BCKDHB: variants seen among roughly 807,000 people sequenced by gnomAD.
The protein encoded by BCKDHB is branched chain keto acid dehydrogenase E1 subunit beta, also known as 2-oxoisovalerate dehydrogenase subunit beta, mitochondrial.
BCKDHB carries 41 observed loss-of-function variants against 48.5 expected under a neutral mutation model. That is an observed-to-expected ratio of 0.85 (90% CI 0.66 to 1.10). BCKDHB has a LOEUF of 1.10. BCKDHB is among the 50% of genes least tolerant of loss of function. The probability of loss-of-function intolerance (pLI) is 0.00; values close to 1 mark genes in which losing one functional copy is unlikely to be tolerated. For synonymous variants in BCKDHB, 201 were observed against 174.8 expected (o/e 1.15, Z -1.18); for missense variants, 496 against 494.2 (o/e 1.00, Z -0.03).
the BCKDHB span, among the ~76,000 whole-genome samples, chr6:80,374,827 A>G: frequency 1.3e-5 from 2 of 152,138 alleles, no homozygotes; most frequent in African/African-American, 2.4e-5. Flanking sequence ...TTTTAGCAGT[A>G]CTTGTAGTAC....
chr6:80,433,616 A>C, the BCKDHB span, among the ~76,000 whole-genome samples: 1 of 152,112 alleles, frequency 6.6e-6, no homozygotes, highest in Non-Finnish European at 1.5e-5. Flanking sequence ...GGTGGGACCC[A>C]TTGAACCAGA....
intron 9 of BCKDHB, among the ~76,000 whole-genome samples, chr6:80,288,443 G>A (rs975901267): frequency 6.6e-6 from 1 of 151,854 alleles, no homozygotes; most frequent in African/African-American, 2.4e-5. Context: ...TCAACCTTAG[G>A]GTCTACGTTT....
chr6:80,188,971 A>G (rs762583804), intron 6 of BCKDHB, among the ~76,000 whole-genome samples: 70 of 152,126 alleles, frequency 4.6e-4, no homozygotes, highest in Admixed American at 1.3e-3. Flanking sequence ...CTTACAGATT[A>G]TTTAGAATTA....
At chr6:80,124,221 C>T (rs1408447095) in intron 1 of BCKDHB, among the ~76,000 whole-genome samples, 1 of 152,148 alleles carries the variant, frequency 6.6e-6, no homozygotes, top group Non-Finnish European at 1.5e-5. Context: ...GTTTCTTAAT[C>T]CTGAGTTCTA....
the BCKDHB span, among the ~76,000 whole-genome samples, chr6:80,431,288 T>C: frequency 6.6e-6 from 1 of 152,236 alleles, no homozygotes; most frequent in African/African-American, 2.4e-5. Context: ...GAGAAGAATG[T>C]ATATTCTGTT....
At position 80,223,123 on chromosome 6, in the gene BCKDHB, T is replaced by C. The variant is rs574525581; in HGVS notation, c.951+19911T>C. Among the ~76,000 whole-genome samples the C allele has an allele frequency of 6.6e-5, 10 of 152,320 alleles. No individual in the cohort carries two copies. The South Asian group carries it at 2.1e-3, about 32-fold the overall frequency. On this transcript the variant is annotated intron_variant, in intron 8 of 9. Coordinates refer to ENST00000320393, the MANE Select transcript of BCKDHB (RefSeq NM_183050.4). ...AAAAATCACAGCCATTCATATTCAT[T>C]TAATATAGAAACAAGGTAAACATCT... is the stretch of plus-strand genomic sequence containing the variant.
At chr6:80,312,792 GA>G (rs1243430756) in intron 9 of BCKDHB, among the ~76,000 whole-genome samples, 1 of 152,148 alleles carries the variant, frequency 6.6e-6, no homozygotes, top group African/African-American at 2.4e-5. Context: ...GCTTGATTAT[GA>G]TCGATAAGCT....
chr6:80,226,733 T>C (rs1466134735), intron 8 of BCKDHB, among the ~76,000 whole-genome samples: 3 of 152,238 alleles, frequency 2.0e-5, no homozygotes, highest in African/African-American at 7.2e-5. Context: ...CAGGTTTTTT[T>C]CTGCAGCAGG....
chr6:80,212,770 T>C (rs182654481), intron 8 of BCKDHB, among the ~76,000 whole-genome samples: 15 of 152,290 alleles, frequency 9.8e-5, no homozygotes, highest in Admixed American at 9.2e-4. Flanking sequence ...TCCATTCGGG[T>C]TCCCTGACTT....
intron 9 of BCKDHB, among the ~76,000 whole-genome samples, chr6:80,274,442 T>G (rs1777885670): frequency 6.6e-6 from 1 of 151,992 alleles, no homozygotes; most frequent in Non-Finnish European, 1.5e-5. Context: ...TTATTGTGTA[T>G]TTTATACATT....
intron 9 of BCKDHB, among the ~76,000 whole-genome samples, chr6:80,308,920 T>C (rs1768017929): frequency 1.3e-5 from 2 of 152,084 alleles, no homozygotes; most frequent in South Asian, 4.1e-4. Context: ...TTCACATGTA[T>C]ATACCTACCA....
At position 80,343,459 on chromosome 6, in the gene BCKDHB, A is replaced by G. The variant is rs1770024186; in HGVS notation, c.1039-205A>G. On this transcript the variant is annotated intron_variant, in intron 9 of 9. Coordinates refer to ENST00000320393, the MANE Select transcript of BCKDHB (RefSeq NM_183050.4). ...AGATATATATACAGGTATAAAATGC[A>G]TATGCATACATGAAAACACATAATA... 6 of 606,852 alleles carry G rather than the reference A, an allele frequency of 9.9e-6. No individual in the cohort carries two copies. The South Asian group carries it at 1.0e-4, about 10-fold the overall frequency. The allele number at this position is 606,852 out of a possible 1,614,324, so 37.6% of individuals were successfully genotyped here.
chr6:80,127,833 C>G (rs975285565), intron 2 of BCKDHB, among the ~76,000 whole-genome samples: 1 of 152,178 alleles, frequency 6.6e-6, no homozygotes, highest in Non-Finnish European at 1.5e-5. Flanking sequence ...TCAGCTTTCT[C>G]TTACAGTGTG....
chr6:80,374,723 T>C, the BCKDHB span, among the ~76,000 whole-genome samples: 4,847 of 152,232 alleles, frequency 0.032, 277 homozygotes, highest in African/African-American at 0.11. Flanking sequence ...GGTTTTTTCA[T>C]TGTGTTATTG....
chr6:80,216,995 C>T (rs1775202227), intron 8 of BCKDHB, among the ~76,000 whole-genome samples: 1 of 152,106 alleles, frequency 6.6e-6, no homozygotes, highest in Non-Finnish European at 1.5e-5. Context: ...TCCTGTAATC[C>T]TAGCACTGAG....
chr6:80,365,181 G>A, the BCKDHB span, among the ~76,000 whole-genome samples: 1 of 152,128 alleles, frequency 6.6e-6, no homozygotes, highest in Non-Finnish European at 1.5e-5. Flanking sequence ...AGATCACAAG[G>A]CAAAGGGCAA....
intron 3 of BCKDHB, among the ~76,000 whole-genome samples, chr6:80,140,315 C>T (rs1453715406): frequency 6.6e-6 from 1 of 152,176 alleles, no homozygotes; most frequent in Non-Finnish European, 1.5e-5. Flanking sequence ...TGCCTAATTG[C>T]CCTGGCCAGA....
the BCKDHB span, among the ~76,000 whole-genome samples, chr6:80,433,139 T>C: frequency 2.0e-5 from 3 of 151,928 alleles, no homozygotes; most frequent in Non-Finnish European, 4.4e-5. Context: ...TACAAGGAGG[T>C]CAGGGACCTA....
chr6:80,140,819 A>G (rs1771165575), intron 3 of BCKDHB, among the ~76,000 whole-genome samples: 1 of 152,198 alleles, frequency 6.6e-6, no homozygotes, highest in Admixed American at 6.5e-5. Flanking sequence ...CTGGCCTCAT[A>G]AAATGAGTTA....
Sources: allele counts gnomAD v4.1 joint callset (sites outside exome capture counted in the v4.1 genomes callset), GRCh38; gene constraint gnomAD v4.1.1; transcripts MANE v1.5; gene names NCBI Gene and HGNC (gene_info 2026-07-23, HGNC 2026-07-21).